The following CNTNAP2 variants were observed in gnomAD, a reference collection of about 807,000 sequenced individuals.
CNTNAP2 encodes the protein contactin-associated protein-like 2.
A neutral mutation model predicts 155.2 loss-of-function variants in CNTNAP2; 98 were observed. The ratio of observed to expected loss-of-function variants is 0.63; its 90% CI spans 0.54 to 0.75. The LOEUF (loss-of-function observed/expected upper bound fraction) is 0.75, where lower values mean the gene tolerates loss of function less well. Ranked by LOEUF, CNTNAP2 falls within the 30% of genes least tolerant of loss-of-function variation. The probability of loss-of-function intolerance (pLI) is 0.00; values close to 1 mark genes in which losing one functional copy is unlikely to be tolerated. For missense variants in CNTNAP2, 1,727 were observed against 1,688.1 expected, an observed-to-expected ratio of 1.02 and a Z score of -0.40; for synonymous variants, 651 against 631.2, an observed-to-expected ratio of 1.03 and a Z score of -0.47.
intron 1 of CNTNAP2, among the ~76,000 whole-genome samples, chr7:146,385,000 G>C (rs1795440324): frequency 6.6e-6 from 1 of 152,126 alleles, no homozygotes; most frequent in African/African-American, 2.4e-5. Flanking sequence ...TATATTTGGT[G>C]AATGAATAAG....
chr7:147,331,635 G>A (rs1355673151), intron 9 of CNTNAP2, among the ~76,000 whole-genome samples: 1 of 152,138 alleles, frequency 6.6e-6, no homozygotes, highest in Non-Finnish European at 1.5e-5. Context: ...AAAGCAGGTA[G>A]AGGGATCGGC....
At chr7:147,926,714 G>C (rs1441541111) in intron 14 of CNTNAP2, among the ~76,000 whole-genome samples, 1 of 152,000 alleles carries the variant, frequency 6.6e-6, no homozygotes, top group Non-Finnish European at 1.5e-5. Context: ...AAACGGGAAA[G>C]TAAAAAAGAT....
At chr7:147,619,878 C>A (rs1366576073) in intron 12 of CNTNAP2, among the ~76,000 whole-genome samples, 1 of 152,176 alleles carries the variant, frequency 6.6e-6, no homozygotes. Flanking sequence ...TGGGGCAACA[C>A]CCAGTCCTGT....
At chr7:148,401,460 T>G (rs902553387) in intron 22 of CNTNAP2, among the ~76,000 whole-genome samples, 1 of 152,160 alleles carries the variant, frequency 6.6e-6, no homozygotes, top group African/African-American at 2.4e-5. Context: ...TAACCAAACA[T>G]TAGGACTGGA....
chr7:148,211,692 C>G (rs1268490217), intron 18 of CNTNAP2, among the ~76,000 whole-genome samples: 1 of 152,180 alleles, frequency 6.6e-6, no homozygotes, highest in Non-Finnish European at 1.5e-5. Flanking sequence ...CCCTGGGGTT[C>G]TTACCTTAAG....
chr7:146,341,513 C>T (rs1232398578), intron 1 of CNTNAP2, among the ~76,000 whole-genome samples: 1 of 152,072 alleles, frequency 6.6e-6, no homozygotes, highest in African/African-American at 2.4e-5. Flanking sequence ...GATAGAAAAA[C>T]AGTTGCGACA....
chr7:146,204,738 AT>A lies in CNTNAP2; in HGVS notation c.97+87769del, dbSNP rs1468473291. Among the ~76,000 whole-genome samples, 9 of 152,140 alleles carry A rather than the reference AT, an allele frequency of 5.9e-5. No homozygotes were observed. In the South Asian group the frequency reaches 1.2e-3, roughly 21 times the overall value. On this transcript the variant is annotated intron_variant, in intron 1 of 23. Transcript: ENST00000361727. ...TTCATATTAAAAATATCAGCTCATA[AT>A]TTTGTCATCCCCCAGTGTTTTTACA...
intron 4 of CNTNAP2, among the ~76,000 whole-genome samples, chr7:147,051,406 A>T (rs78951159): frequency 0.064 from 9,741 of 151,986 alleles, 414 homozygotes; most frequent in Middle Eastern, 0.13. Flanking sequence ...TTTAGAAACA[A>T]CCTAAAGCAT....
At chr7:147,091,147 A>G (rs931148052) in intron 4 of CNTNAP2, among the ~76,000 whole-genome samples, 13 of 152,038 alleles carry the variant, frequency 8.6e-5, no homozygotes, top group Non-Finnish European at 1.6e-4. Flanking sequence ...AGTCTCTTAG[A>G]TTCCTCGTCC....
At chr7:146,550,460 G>C (rs1456737694) in intron 1 of CNTNAP2, among the ~76,000 whole-genome samples, 2 of 113,796 alleles carry the variant, frequency 1.8e-5, no homozygotes, top group African/African-American at 7.1e-5. Flanking sequence ...TTGATAATAT[G>C]GGTGCTTGGG....
chr7:146,375,345 C>G (rs528425216), intron 1 of CNTNAP2, among the ~76,000 whole-genome samples: 1 of 152,292 alleles, frequency 6.6e-6, no homozygotes, highest in Non-Finnish European at 1.5e-5. Flanking sequence ...CAGAGACATG[C>G]GGAGACCAGA....
At chr7:147,093,482 G>A (rs1016060764) in intron 4 of CNTNAP2, among the ~76,000 whole-genome samples, 6 of 152,018 alleles carry the variant, frequency 3.9e-5, no homozygotes, top group African/African-American at 1.5e-4. Context: ...TAGTAATTAT[G>A]TGCTATAAAG....
chr7:148,415,661 G>A lies in CNTNAP2; in HGVS notation c.*45G>A. Reference sequence around the variant, plus strand: ...GGGATAGGGAGGAGGGAATTACTAGGGAGGAGAGAAAGGGACAAAAGCACC... The same window carrying A: ...GGGATAGGGAGGAGGGAATTACTAGAGAGGAGAGAAAGGGACAAAAGCACC... On this transcript the variant is annotated 3_prime_UTR_variant, in exon 24 of 24. Transcript: ENST00000361727. 1 of 1,610,734 alleles carries A rather than the reference G, an allele frequency of 6.2e-7. No homozygotes were observed. Among genetic ancestry groups the A allele is most frequent in the Non-Finnish European group, 8.5e-7 (1 of 1,177,936 alleles).
At chr7:147,949,458 A>ATATATATATATATATATATTTT (rs1433579404) in intron 14 of CNTNAP2, among the ~76,000 whole-genome samples, 4 of 137,390 alleles carry the variant, frequency 2.9e-5, no homozygotes, top group South Asian at 2.4e-4. Flanking sequence ...ATATATATAT[A>ATATATATATATATATATATTTT]TTTTTTTTTT....
chr7:146,561,016 G>C (rs1353460012), intron 1 of CNTNAP2, among the ~76,000 whole-genome samples: 1 of 152,074 alleles, frequency 6.6e-6, no homozygotes, highest in East Asian at 1.9e-4. Flanking sequence ...CACAACTCTA[G>C]TGTCAATTAT....
At chr7:146,905,294 C>T (rs1025871179) in intron 3 of CNTNAP2, among the ~76,000 whole-genome samples, 4 of 152,130 alleles carry the variant, frequency 2.6e-5, no homozygotes, top group African/African-American at 7.2e-5. Flanking sequence ...ATAATTTGGC[C>T]TTCACCTACC....
intron 1 of CNTNAP2, among the ~76,000 whole-genome samples, chr7:146,757,647 G>T (rs1228239074): frequency 6.6e-6 from 1 of 152,128 alleles, no homozygotes; most frequent in Non-Finnish European, 1.5e-5. Flanking sequence ...CAACTAAATG[G>T]AAATTAGAAC....
intron 8 of CNTNAP2, among the ~76,000 whole-genome samples, chr7:147,169,997 G>A (rs986067427): frequency 6.6e-6 from 1 of 151,950 alleles, no homozygotes; most frequent in African/African-American, 2.4e-5. Context: ...TAGTGGGCTC[G>A]TTTGGGGGTA....
At chr7:146,299,809 T>C (rs1800576194) in intron 1 of CNTNAP2, among the ~76,000 whole-genome samples, 1 of 152,054 alleles carries the variant, frequency 6.6e-6, no homozygotes, top group South Asian at 2.1e-4. Context: ...AAGTTAGAGA[T>C]GAGAAAAAGC....
Sources: gnomAD v4.1 joint callset for allele counts (sites outside exome capture counted in the v4.1 genomes callset) on GRCh38, gnomAD v4.1.1 for gene constraint, MANE v1.5 for transcripts, NCBI Gene and HGNC (gene_info 2026-07-23, HGNC 2026-07-21) for gene names.